The following NRK variants were observed in gnomAD, a reference collection of about 807,000 sequenced individuals.
NRK encodes Nik related kinase.
Under a neutral mutation model 125.2 loss-of-function variants are expected in NRK, and 67 were observed. The observed-to-expected ratio is 0.54, with a 90% CI of 0.44 to 0.66. The LOEUF (loss-of-function observed/expected upper bound fraction) is 0.66, where lower values mean the gene tolerates loss of function less well. NRK is among the 30% of genes least tolerant of loss of function. NRK has a pLI of 0.00. For missense variants in NRK, 1,224 were observed against 1,192.9 expected, an observed-to-expected ratio of 1.03 and a Z score of -0.38; for synonymous variants, 458 against 429.0, an observed-to-expected ratio of 1.07 and a Z score of -0.84.
chrX:105,926,030 T>G (rs987655370), intron 19 of NRK, among the ~76,000 whole-genome samples: 3 of 111,351 alleles, frequency 2.7e-5, no homozygotes, highest in African/African-American at 9.8e-5. Flanking sequence ...CACAATACCA[T>G]TCTCCATTGT....
intron 5 of NRK, among the ~76,000 whole-genome samples, chrX:105,888,820 G>A (rs770027276): frequency 1.2e-4 from 13 of 110,835 alleles, no homozygotes; most frequent in African/African-American, 2.0e-4. Context: ...TGAGAACAGC[G>A]TGGGAAAGAC....
intron 2 of NRK, among the ~76,000 whole-genome samples, chrX:105,847,064 G>T (rs1389124296): frequency 8.9e-6 from 1 of 111,768 alleles, no homozygotes. Flanking sequence ...GGCCTGTAAA[G>T]CCCTCACTTT....
intron 2 of NRK, among the ~76,000 whole-genome samples, chrX:105,866,454 T>C (rs1405102000): frequency 9.0e-6 from 1 of 111,252 alleles, no homozygotes; most frequent in African/African-American, 3.2e-5. Context: ...GCTGTATTCT[T>C]TTCCAGCACG....
chrX:105,833,869 C>T (rs1216508379), intron 2 of NRK, among the ~76,000 whole-genome samples: 1 of 111,427 alleles, frequency 9.0e-6, no homozygotes, highest in African/African-American at 3.3e-5. Flanking sequence ...GGTTTCCCAA[C>T]TGGTGTACTC....
intron 24 of NRK, 105 bp from the exon 25 acceptor site, chrX:105,945,767 G>A: frequency 1.5e-6 from 1 of 658,126 alleles, no homozygotes; most frequent in Non-Finnish European, 2.4e-6. Context: ...TCTTGGCAAT[G>A]AATCCTGTTT....
Position 105,909,123 on chromosome X carries a change from GTCCCAGGTA to G in NRK, c.1486_1494del (p.Gln496_Ser498del). The G allele has an allele frequency of 8.3e-7, 1 of 1,211,402 alleles. No individual in the cohort carries two copies. The highest frequency in any genetic ancestry group is 1.1e-6 in the Non-Finnish European group (1 of 895,175). ...GGGCACCTAGGCTTCTGCAGGTACA[GTCCCAGGTA>G]TCCAAAAAGCAGCAGGCCCAGACCC... On this transcript the variant is annotated inframe_deletion, in exon 13 of 29. Coordinates refer to ENST00000243300, the MANE Select transcript of NRK (RefSeq NM_198465.4).
At chrX:105,827,199 C>A (rs755473651) in intron 1 of NRK, among the ~76,000 whole-genome samples, 1 of 111,520 alleles carries the variant, frequency 9.0e-6, no homozygotes, top group South Asian at 3.8e-4. Context: ...ACTCATCTTG[C>A]CATATCCATC....
intron 17 of NRK, among the ~76,000 whole-genome samples, chrX:105,922,882 AT>A (rs773221537): frequency 6.3e-5 from 7 of 110,802 alleles, no homozygotes; most frequent in Middle Eastern, 4.6e-3. Context: ...AAGTATGGGT[AT>A]TTTTTTTAAG....
At chrX:105,874,811 A>G (rs773065587) in intron 2 of NRK, among the ~76,000 whole-genome samples, 1 of 112,007 alleles carries the variant, frequency 8.9e-6, no homozygotes, top group South Asian at 3.7e-4. Context: ...GGACTAAATG[A>G]TGCTGCTTAT....
At position 105,888,419 on chromosome X, in the gene NRK, G is replaced by C; in HGVS notation, c.378G>C (p.Trp126Cys). Residue 126 changes from tryptophan (W) to cysteine (C), a missense_variant and splice_region_variant, in exon 5 of 29, where the codon TGG becomes TGC. By Grantham distance (215) the Trp-to-Cys change is radical (BLOSUM62 -2). Transcript: ENST00000243300. The stretch of plus-strand genomic sequence containing the variant: ...CCCCTGGTCAGCGGCACCAACTTTG[G>C]GTATGTTTTTAATTACACTGTTCTT... Reference protein sequence around the residue: ...LSPPGQRHQLWMVMELCAAGS... With the variant: ...LSPPGQRHQLCMVMELCAAGS... The C allele has an allele frequency of 8.5e-7, 1 of 1,182,769 alleles. No homozygotes were observed. The highest frequency in any genetic ancestry group is 1.1e-6 in the Non-Finnish European group (1 of 879,417).
chrX:105,880,106 C>T (rs1055683086), intron 2 of NRK, 93 bp from the exon 3 acceptor site: 77 of 346,552 alleles, frequency 2.2e-4, no homozygotes, highest in Non-Finnish European at 3.4e-4. Flanking sequence ...ACAATGTATT[C>T]GACACTAATT....
At position 105,956,275 on chromosome X, in the gene NRK, G is replaced by T. The variant is rs1439343420; in HGVS notation, c.*675G>T. 9.0e-6 allele frequency: 1 copy of T among 111,623 alleles called. No homozygotes were observed. The highest frequency in any genetic ancestry group is 1.9e-5 in the Non-Finnish European group (1 of 53,063). The allele number at this position is 111,623 out of a possible 1,213,427, so 9.2% of individuals were successfully genotyped here. A position where few individuals can be genotyped will look rare whatever the true frequency, so the allele number is the denominator to read the frequency against. ...AAAGGAAGAAAGCCCCAGACGCTTG[G>T]TTTTTCTCAGAACCCCCAAAAGATG... is the stretch of plus-strand genomic sequence containing the variant. On this transcript the variant is annotated 3_prime_UTR_variant, in exon 29 of 29. Coordinates refer to ENST00000243300, the MANE Select transcript of NRK (RefSeq NM_198465.4).
chrX:105,949,679 T>G lies in NRK; in HGVS notation c.4458T>G (p.Asn1486Lys). The G allele has an allele frequency of 8.3e-7, 1 of 1,201,824 alleles. No individual in the cohort carries two copies. Among genetic ancestry groups the G allele is most frequent in the Non-Finnish European group, 1.1e-6 (1 of 887,173 alleles). The change falls in exon 27 of 29, where the codon AAT becomes AAG. Residue 1486 changes from asparagine (N) to lysine (K), a missense_variant. Coordinates refer to ENST00000243300, the MANE Select transcript of NRK (RefSeq NM_198465.4). Reference sequence around the variant, plus strand: ...CTGAAGCCCTCTCTGTGGAAGCAAATGAACAACTCTTCAAGAAGATCCTTG... The same window carrying G: ...CTGAAGCCCTCTCTGTGGAAGCAAAGGAACAACTCTTCAAGAAGATCCTTG... ...FNAEALSVEA[N>K]EQLFKKILEM...
chrX:105,945,505 A>G (rs1420214653), intron 24 of NRK, among the ~76,000 whole-genome samples: 2 of 111,984 alleles, frequency 1.8e-5, no homozygotes, highest in Non-Finnish European at 3.8e-5. Flanking sequence ...AAATCACGTC[A>G]CATCCCTGAT....
intron 3 of NRK, among the ~76,000 whole-genome samples, chrX:105,881,153 T>TA (rs34351950): frequency 7.4e-5 from 8 of 107,521 alleles, no homozygotes; most frequent in Admixed American, 4.0e-4. Flanking sequence ...ATAGCTGAAT[T>TA]AAAAAAAAAA....
intron 16 of NRK, 28 bp downstream of exon 16, chrX:105,917,700 G>GAA: frequency 1.3e-6 from 1 of 755,453 alleles, no homozygotes. Context: ...ATTTTAGCAG[G>GAA]CAAAACACAG....
chrX:105,869,366 C>T (rs2039713026), intron 2 of NRK, among the ~76,000 whole-genome samples: 1 of 111,314 alleles, frequency 9.0e-6, no homozygotes, highest in African/African-American at 3.3e-5. Flanking sequence ...CCCTAAGGGC[C>T]TTGTACTATC....
intron 2 of NRK, among the ~76,000 whole-genome samples, chrX:105,863,726 G>T (rs1296845247): frequency 8.9e-6 from 1 of 112,157 alleles, no homozygotes; most frequent in Non-Finnish European, 1.9e-5. Flanking sequence ...AGGAGATTTT[G>T]CACTTTTTAT....
At chrX:105,858,058 C>G (rs2039554268) in intron 2 of NRK, among the ~76,000 whole-genome samples, 1 of 111,328 alleles carries the variant, frequency 9.0e-6, no homozygotes, top group Non-Finnish European at 1.9e-5. Context: ...GCAAATAACT[C>G]TAGCATTTTA....
Sources: gnomAD v4.1 joint callset for allele counts (sites outside exome capture counted in the v4.1 genomes callset) on GRCh38, gnomAD v4.1.1 for gene constraint, MANE v1.5 for transcripts, NCBI Gene and HGNC (gene_info 2026-07-23, HGNC 2026-07-21) for gene names.